The following CEP72 variants were observed in gnomAD, a reference collection of about 807,000 sequenced individuals.
The protein encoded by CEP72 is centrosomal protein of 72 kDa.
Under a neutral mutation model 65.7 loss-of-function variants are expected in CEP72, and 78 were observed. The ratio of observed to expected loss-of-function variants is 1.19; its 90% CI spans 0.99 to 1.43. The LOEUF is 1.43. Ranked by LOEUF, CEP72 falls within the 40% of genes most tolerant of loss-of-function variation. The pLI is 0.00. For missense variants in CEP72, 914 were observed against 832.9 expected, an observed-to-expected ratio of 1.10 and a Z score of -1.20; for synonymous variants, 358 against 351.7, an observed-to-expected ratio of 1.02 and a Z score of -0.20.
At chr5:653,572 T>C (rs1411540527), downstream of CEP72, 1 of 153,884 alleles carries the variant, frequency 6.5e-6, no homozygotes, top group African/African-American at 2.4e-5. Flanking sequence ...TTTCAGTGGC[T>C]GTATACAAAT....
intron 11 of CEP72, among the ~76,000 whole-genome samples, chr5:651,375 G>T (rs1453150544): frequency 2.0e-5 from 3 of 151,770 alleles, no homozygotes; most frequent in African/African-American, 7.3e-5. Flanking sequence ...ACTGTGAGTT[G>T]TGAATGTGAG....
At position 623,013 on chromosome 5, in the gene CEP72, C is replaced by G. The variant is rs950662670; in HGVS notation, c.404-1458C>G. The stretch of plus-strand genomic sequence containing the variant: ...TCTTAGTGTTTCTGCAGAGAAGGAG[C>G]GCAGCCGTCTCCCCTCTTAGTGTTT... On this transcript the variant is annotated intron_variant, in intron 3 of 11. Coordinates refer to ENST00000264935, the MANE Select transcript of CEP72 (RefSeq NM_018140.4). This position sits in a 1 kb window ranked among gnomAD's most constrained non-coding sequence, Gnocchi z 5.3. Among the ~76,000 whole-genome samples the G allele has an allele frequency of 1.3e-5, 2 of 152,252 alleles. No individual in the cohort carries two copies. The highest frequency in any genetic ancestry group is 4.1e-4 in the South Asian group (2 of 4,828).
chr5:628,545 A>T (rs78848886), intron 4 of CEP72, among the ~76,000 whole-genome samples: 4,252 of 56,490 alleles, frequency 0.075, 16 homozygotes, highest in African/African-American at 0.18. Context: ...TGGAGAACTC[A>T]GGTTGCAGTC....
At chr5:635,732 C>T (rs1737548275) in intron 6 of CEP72, 148 bp downstream of exon 6, 1 of 648,670 alleles carries the variant, frequency 1.5e-6, no homozygotes, top group African/African-American at 1.8e-5. Context: ...TGCTGGTCCT[C>T]CCATGGCACA....
chr5:670,892 T>C (rs1274701918), downstream of CEP72, among the ~76,000 whole-genome samples: 1 of 152,206 alleles, frequency 6.6e-6, no homozygotes, highest in African/African-American at 2.4e-5. Context: ...AGGTGATGTC[T>C]GGCCACCTGA....
intron 9 of CEP72, 77 bp from the exon 10 acceptor site, chr5:644,222 C>T: frequency 1.3e-6 from 2 of 1,513,520 alleles, no homozygotes; most frequent in South Asian, 1.2e-5. Flanking sequence ...TGGGGATTCT[C>T]AGGTTTCAGT....
chr5:613,093 C>T (rs1234171410), intron 1 of CEP72, among the ~76,000 whole-genome samples: 1 of 152,220 alleles, frequency 6.6e-6, no homozygotes, highest in African/African-American at 2.4e-5. Flanking sequence ...TATTAGTTCA[C>T]CGCGAGTCTT....
intron 10 of CEP72, among the ~76,000 whole-genome samples, chr5:644,866 C>T (rs962345706): frequency 6.6e-6 from 1 of 152,200 alleles, no homozygotes; most frequent in Non-Finnish European, 1.5e-5. Context: ...GTGTCTCTCC[C>T]GAGCAGGCCT....
chr5:633,648 C>T, intron 4 of CEP72, 121 bp from the exon 5 acceptor site: 4 of 926,444 alleles, frequency 4.3e-6, no homozygotes, highest in Non-Finnish European at 5.1e-6. Context: ...CCCGGCTGCC[C>T]CACGTTTGCA....
rs902550299 is a variant in CEP72, at chr5:644,566, A to G, written c.1666+141A>G. 11 of 982,656 alleles carry G rather than the reference A, an allele frequency of 1.1e-5. No homozygotes were observed. In the Admixed American group the frequency reaches 1.5e-4, roughly 13 times the overall value. The allele number at this position is 982,656 out of a possible 1,614,324, so 60.9% of individuals were successfully genotyped here. A position where few individuals can be genotyped will look rare whatever the true frequency, so the allele number is the denominator to read the frequency against. On this transcript the variant is annotated intron_variant, in intron 10 of 11. Coordinates refer to ENST00000264935, the MANE Select transcript of CEP72 (RefSeq NM_018140.4). ...AAGTGGGGAGCCGAGCCCCTGCCTCACTGGCTGGGGTGGAGGCTGCCTCGG... is the reference window on the plus strand; with the variant it reads ...AAGTGGGGAGCCGAGCCCCTGCCTCGCTGGCTGGGGTGGAGGCTGCCTCGG...
At chr5:626,215 C>T (rs549315083) in intron 4 of CEP72, among the ~76,000 whole-genome samples, 3 of 152,140 alleles carry the variant, frequency 2.0e-5, no homozygotes, top group South Asian at 2.1e-4. Context: ...ATCGGTATAC[C>T]TTTTATTTCC....
At chr5:642,735 C>A (rs545755180) in intron 9 of CEP72, 1 of 985,232 alleles carries the variant, frequency 1.0e-6, no homozygotes, top group Non-Finnish European at 1.2e-6. Context: ...GCAGCCCGAG[C>A]CCCGCGGGTA....
intron 1 of CEP72, among the ~76,000 whole-genome samples, chr5:618,199 G>A (rs1249999463): frequency 2.6e-5 from 4 of 152,172 alleles, no homozygotes; most frequent in African/African-American, 9.7e-5. Flanking sequence ...GTAAAGGTGG[G>A]AAGAAGCGTG....
rs79964802 is a variant in CEP72 at position 640,761 on chromosome 5, G to A, written c.1539+157G>A. ...CCCTGCCCGGGACCCGGCCACCCCC[G>A]GAACGCGGCCTGCCCTGTCTCACAA... is the stretch of plus-strand genomic sequence containing the variant. On this transcript the variant is annotated intron_variant, in intron 9 of 11. Coordinates refer to ENST00000264935, the MANE Select transcript of CEP72 (RefSeq NM_018140.4). 2.5e-4 allele frequency: 242 copies of A among 985,430 alleles called. 3 individuals carry two copies. The East Asian group carries it at 0.016, about 64-fold the overall frequency. 61.0% of individuals were successfully genotyped at this position (985,430 alleles called of 1,614,324 possible). A position where few individuals can be genotyped will look rare whatever the true frequency, so the allele number is the denominator to read the frequency against.
At chr5:660,483 G>A (rs1739543354), downstream of CEP72, 2 of 152,394 alleles carry the variant, frequency 1.3e-5, no homozygotes, top group African/African-American at 4.8e-5. Flanking sequence ...TGCAGGTTCA[G>A]TGTTTGAAGG....
At chr5:625,362 C>T (rs1736685686) in intron 4 of CEP72, among the ~76,000 whole-genome samples, 1 of 152,184 alleles carries the variant, frequency 6.6e-6, no homozygotes, top group Non-Finnish European at 1.5e-5. Context: ...GATGCCTCCA[C>T]TCATTTTAAA....
intron 4 of CEP72, among the ~76,000 whole-genome samples, chr5:628,052 C>T (rs535664721): frequency 9.8e-4 from 150 of 152,326 alleles, no homozygotes; most frequent in Non-Finnish European, 1.5e-3. Context: ...TTATACCACA[C>T]GCGACTTTTA....
chr5:612,552 C>T, intron 1 of CEP72, 109 bp downstream of exon 1: 1 of 1,248,204 alleles, frequency 8.0e-7, no homozygotes, highest in Middle Eastern at 3.1e-4. Context: ...TCTACGCAGG[C>T]GCCGCGGGCG....
At chr5:616,648 G>T (rs1736006111) in intron 1 of CEP72, among the ~76,000 whole-genome samples, 1 of 152,100 alleles carries the variant, frequency 6.6e-6, no homozygotes, top group African/African-American at 2.4e-5. Flanking sequence ...GACAGTCATG[G>T]AGCTCCTGCC....
Sources: gnomAD v4.1 joint callset for allele counts (sites outside exome capture counted in the v4.1 genomes callset) on GRCh38, gnomAD v4.1.1 for gene constraint, Gnocchi (gnomAD v3.1) non-coding constraint, MANE v1.5 for transcripts, NCBI Gene and HGNC (gene_info 2026-07-23, HGNC 2026-07-21) for gene names.